PCDH7: variants seen among roughly 807,000 people sequenced by gnomAD.
PCDH7 encodes protocadherin-7.
A neutral mutation model predicts 58.9 loss-of-function variants in PCDH7; 17 were observed. That is an observed-to-expected ratio of 0.29 (90% CI 0.20 to 0.43). The LOEUF (loss-of-function observed/expected upper bound fraction) is 0.43, where lower values mean the gene tolerates loss of function less well. PCDH7 is among the 20% of genes least tolerant of loss of function. The probability of loss-of-function intolerance (pLI) is 1.00; values close to 1 mark genes in which losing one functional copy is unlikely to be tolerated. For synonymous variants in PCDH7, 664 were observed against 616.4 expected, an observed-to-expected ratio of 1.08 and a Z score of -1.14; for missense variants, 1,274 against 1,441.0, an observed-to-expected ratio of 0.88 and a Z score of 1.88.
At chr4:31,089,624 A>G (rs577778344) in intron 3 of PCDH7, among the ~76,000 whole-genome samples, 55 of 152,224 alleles carry the variant, frequency 3.6e-4, no homozygotes, top group African/African-American at 1.1e-3. Flanking sequence ...TAGAAATATT[A>G]AGGCTAAATT....
intron 3 of PCDH7, among the ~76,000 whole-genome samples, chr4:30,952,949 TGTTA>T (rs1354110707): frequency 6.6e-6 from 1 of 152,218 alleles, no homozygotes; most frequent in African/African-American, 2.4e-5. Flanking sequence ...CTAATTAATC[TGTTA>T]GTTTTACACA....
chr4:31,063,693 C>T (rs1015172781), intron 3 of PCDH7, among the ~76,000 whole-genome samples: 5 of 151,828 alleles, frequency 3.3e-5, no homozygotes, highest in African/African-American at 1.2e-4. Flanking sequence ...TAAGGGAATG[C>T]ATATTCAAAT....
chr4:31,105,608 A>G (rs1715452050), intron 3 of PCDH7, among the ~76,000 whole-genome samples: 1 of 152,098 alleles, frequency 6.6e-6, no homozygotes, highest in Non-Finnish European at 1.5e-5. Context: ...TCTTTTGATG[A>G]CACTAGTGTA....
At position 30,721,491 on chromosome 4, in the gene PCDH7, C is replaced by A; in HGVS notation, c.69C>A (p.Leu23=). Residue 23 remains leucine, a synonymous_variant, in exon 1 of 2, where the codon CTC becomes CTA. Transcript: ENST00000361762. This position sits in a 1 kb window ranked among gnomAD's most constrained non-coding sequence, Gnocchi z 6.7. Reference sequence around the variant, plus strand: ...TGGGCTGCTGCCTCCTCCTGCCGCTCTCGCTCAGCCTGGCGGCCGCCAAGC... The same window carrying A: ...TGGGCTGCTGCCTCCTCCTGCCGCTATCGCTCAGCCTGGCGGCCGCCAAGC... The A allele has an allele frequency of 6.3e-7, 1 of 1,594,880 alleles. No individual in the cohort carries two copies. The highest frequency in any genetic ancestry group is 8.5e-7 in the Non-Finnish European group (1 of 1,176,186).
chr4:30,838,888 C>T (rs571118182), intron 1 of PCDH7, among the ~76,000 whole-genome samples: 1 of 152,168 alleles, frequency 6.6e-6, no homozygotes, highest in East Asian at 1.9e-4. Context: ...AAAAATCTAA[C>T]TAATTTATGG....
intron 1 of PCDH7, among the ~76,000 whole-genome samples, chr4:30,753,242 C>A (rs1577664681): frequency 6.6e-6 from 1 of 152,262 alleles, no homozygotes; most frequent in East Asian, 1.9e-4. Flanking sequence ...TGGTACATAT[C>A]TCATTTCCCT....
intron 1 of PCDH7, among the ~76,000 whole-genome samples, chr4:30,853,520 G>A (rs1050969825): frequency 2.0e-5 from 3 of 152,112 alleles, no homozygotes; most frequent in South Asian, 2.1e-4. Flanking sequence ...GTGTTTTAAC[G>A]TAGCAACCCT....
At chr4:30,884,622 G>A (rs1578162974) in intron 1 of PCDH7, 1 of 152,208 alleles carries the variant, frequency 6.6e-6, no homozygotes, top group Middle Eastern at 3.4e-3. Flanking sequence ...TGACTTAATG[G>A]CCCGAATATT....
At chr4:30,778,390 T>C (rs1426059761) in intron 1 of PCDH7, among the ~76,000 whole-genome samples, 3 of 152,178 alleles carry the variant, frequency 2.0e-5, no homozygotes, top group African/African-American at 7.2e-5. Flanking sequence ...TTTTGAAGTA[T>C]AAGATTTTCA....
intron 1 of PCDH7, among the ~76,000 whole-genome samples, chr4:30,778,215 G>A (rs1359205282): frequency 1.3e-5 from 2 of 151,954 alleles, no homozygotes; most frequent in East Asian, 1.9e-4. Flanking sequence ...CCAATTATTT[G>A]TAGCACATAA....
intron 3 of PCDH7, among the ~76,000 whole-genome samples, chr4:31,057,269 C>T (rs1399353462): frequency 6.6e-6 from 1 of 152,112 alleles, no homozygotes; most frequent in Admixed American, 6.6e-5. Flanking sequence ...AAATAATAAT[C>T]TCTCCTCCAT....
intron 3 of PCDH7, among the ~76,000 whole-genome samples, chr4:30,997,421 T>A (rs1283681425): frequency 2.0e-5 from 3 of 152,174 alleles, no homozygotes; most frequent in Non-Finnish European, 2.9e-5. Flanking sequence ...TTTTAATAGC[T>A]TTAGAATTTA....
chr4:31,142,342 C>T lies in PCDH7; in HGVS notation c.*8-131C>T. The stretch of plus-strand genomic sequence containing the variant: ...AAAAACTGTCCTATGGAATGATGAG[C>T]TAGAGGGTGTTGGGAAATGAGAAAT... On this transcript the variant is annotated intron_variant, in intron 3 of 3. Transcript: ENST00000509759. The T allele has an allele frequency of 9.5e-6, 8 of 841,906 alleles. No homozygotes were observed. The South Asian group carries it at 1.2e-4, about 12-fold the overall frequency. The allele number at this position is 841,906 out of a possible 1,614,324, so 52.2% of individuals were successfully genotyped here. A position where few individuals can be genotyped will look rare whatever the true frequency, so the allele number is the denominator to read the frequency against.
At chr4:31,016,747 C>G (rs959844534) in intron 3 of PCDH7, among the ~76,000 whole-genome samples, 1 of 151,942 alleles carries the variant, frequency 6.6e-6, no homozygotes, top group South Asian at 2.1e-4. Flanking sequence ...TGTCTCAATA[C>G]AGTGTCTCAA....
chr4:30,915,578 C>T (rs755558698), intron 1 of PCDH7, among the ~76,000 whole-genome samples: 7 of 152,210 alleles, frequency 4.6e-5, no homozygotes, highest in African/African-American at 9.6e-5. Flanking sequence ...GGCTAGAGTG[C>T]GGTGGCGCGA....
At chr4:30,875,438 A>G (rs1736160783) in intron 1 of PCDH7, among the ~76,000 whole-genome samples, 1 of 152,116 alleles carries the variant, frequency 6.6e-6, no homozygotes, top group Non-Finnish European at 1.5e-5. Flanking sequence ...GACACAATTC[A>G]ATCCATAACA....
intron 3 of PCDH7, among the ~76,000 whole-genome samples, chr4:31,044,670 G>A (rs1382758169): frequency 2.0e-5 from 3 of 151,934 alleles, no homozygotes; most frequent in African/African-American, 7.2e-5. Context: ...ACTAAGCAGT[G>A]AAACAGACAA....
intron 3 of PCDH7, among the ~76,000 whole-genome samples, chr4:30,987,096 T>A (rs1460144503): frequency 6.6e-6 from 1 of 152,164 alleles, no homozygotes; most frequent in African/African-American, 2.4e-5. Context: ...TTAGAGAAAT[T>A]GGTCCTTTTT....
intron 1 of PCDH7, among the ~76,000 whole-genome samples, chr4:30,892,834 T>C (rs1578193375): frequency 6.6e-6 from 1 of 152,072 alleles, no homozygotes; most frequent in African/African-American, 2.4e-5. Flanking sequence ...AAAATAAATC[T>C]GATGAATGCT....
Sources: gnomAD v4.1 joint callset for allele counts (sites outside exome capture counted in the v4.1 genomes callset) on GRCh38, gnomAD v4.1.1 for gene constraint, Gnocchi (gnomAD v3.1) non-coding constraint, MANE v1.5 for transcripts, NCBI Gene and HGNC (gene_info 2026-07-23, HGNC 2026-07-21) for gene names.